DOCK9: variants seen among roughly 807,000 people sequenced by gnomAD.
The protein encoded by DOCK9 is dedicator of cytokinesis protein 9.
Under a neutral mutation model 263.3 loss-of-function variants are expected in DOCK9, and 89 were observed. The ratio of observed to expected loss-of-function variants is 0.34; its 90% confidence interval spans 0.28 to 0.40. The LOEUF is 0.40. Among genes scored for constraint, DOCK9 ranks in the 10% least tolerant of loss-of-function variants. DOCK9 has a pLI of 1.00. For synonymous variants in DOCK9, 976 were observed against 973.1 expected, an observed-to-expected ratio of 1.00 and a Z score of -0.06; for missense variants, 2,140 against 2,603.4, an observed-to-expected ratio of 0.82 and a Z score of 3.87.
chr13:98,905,744 A>C (rs558815415), intron 9 of DOCK9, among the ~76,000 whole-genome samples: 1 of 150,852 alleles, frequency 6.6e-6, no homozygotes, highest in East Asian at 2.0e-4. Context: ...GCCATTCTTT[A>C]TTTCTTTACT....
At chr13:99,032,624 A>G (rs773041864) in intron 1 of DOCK9, among the ~76,000 whole-genome samples, 2 of 151,244 alleles carry the variant, frequency 1.3e-5, no homozygotes, top group Non-Finnish European at 3.0e-5. Context: ...TTTATATGAC[A>G]TAAATTTATT....
intron 1 of DOCK9, among the ~76,000 whole-genome samples, chr13:99,061,383 C>A (rs975163108): frequency 2.0e-5 from 3 of 152,166 alleles, no homozygotes; most frequent in Non-Finnish European, 2.9e-5. Flanking sequence ...GTCACACACA[C>A]AACACTCCCT....
At chr13:98,913,905 C>T (rs899393107) in intron 9 of DOCK9, among the ~76,000 whole-genome samples, 14 of 152,156 alleles carry the variant, frequency 9.2e-5, no homozygotes, top group African/African-American at 3.1e-4. Context: ...ATTTCTGTAA[C>T]TCAGGCAACC....
At chr13:98,911,276 A>G (rs1222768220) in intron 9 of DOCK9, among the ~76,000 whole-genome samples, 2 of 152,168 alleles carry the variant, frequency 1.3e-5, no homozygotes, top group African/African-American at 2.4e-5. Context: ...ACAAGGATTC[A>G]TTTTTCAGGT....
intron 1 of DOCK9, among the ~76,000 whole-genome samples, chr13:99,035,999 T>C (rs978776589): frequency 1.3e-5 from 2 of 152,050 alleles, no homozygotes; most frequent in Non-Finnish European, 2.9e-5. Context: ...ACATCAGCTC[T>C]TCTCTGGGTC....
At chr13:98,930,358 A>G in intron 2 of DOCK9, 101 bp from the exon 3 acceptor site, 1 of 961,914 alleles carries the variant, frequency 1.0e-6, no homozygotes, top group South Asian at 1.4e-5. Flanking sequence ...TGGCAGCCAC[A>G]GAGTCCCTCC....
intron 39 of DOCK9, among the ~76,000 whole-genome samples, chr13:98,832,311 T>A (rs999423309): frequency 6.6e-6 from 1 of 152,218 alleles, no homozygotes; most frequent in Non-Finnish European, 1.5e-5. Flanking sequence ...AGGTACCACT[T>A]ATCATAGGCA....
At chr13:98,879,795 C>T (rs1363761947) in intron 27 of DOCK9, 103 bp downstream of exon 27, 13 of 925,950 alleles carry the variant, frequency 1.4e-5, no homozygotes, top group Non-Finnish European at 2.1e-5. Context: ...TTAGAACAGT[C>T]CTGTAACTGG....
chr13:98,925,789 T>C (rs757947520), intron 4 of DOCK9, 48 bp downstream of exon 4: 12 of 1,348,654 alleles, frequency 8.9e-6, no homozygotes, highest in Non-Finnish European at 1.0e-5. Context: ...CCCCCAAGCA[T>C]TTCAAGTACA....
At chr13:98,967,548 C>T (rs969581557) in intron 1 of DOCK9, among the ~76,000 whole-genome samples, 30 of 152,316 alleles carry the variant, frequency 2.0e-4, no homozygotes, top group African/African-American at 6.0e-4. Context: ...ATGAACAGTA[C>T]GCATGATGGT....
rs1346913364 is a variant in DOCK9 at position 98,900,154 on chromosome 13, C to A, written c.1503+1624G>T. On this transcript the variant is annotated intron_variant, in intron 13 of 52. Transcript: ENST00000682017. ...CATGAATAATGTACACATGGATGAGCTTTACATTCCATAAAAAAATGAAGA... is the reference window on the plus strand; with the variant it reads ...CATGAATAATGTACACATGGATGAGATTTACATTCCATAAAAAAATGAAGA... Among the ~76,000 whole-genome samples the A allele has an allele frequency of 4.3e-5, 4 of 93,714 alleles. No individual in the cohort carries two copies. The East Asian group carries it at 9.6e-4, about 23-fold the overall frequency. The allele number at this position is 93,714 out of a possible 152,430, so 61.5% of individuals were successfully genotyped here.
chr13:99,039,468 T>C (rs1332107653), intron 1 of DOCK9, among the ~76,000 whole-genome samples: 1 of 152,184 alleles, frequency 6.6e-6, no homozygotes, highest in Non-Finnish European at 1.5e-5. Context: ...TGTGGGAAAA[T>C]GTTACAAAGA....
At chr13:98,929,397 G>C (rs929566173) in intron 3 of DOCK9, among the ~76,000 whole-genome samples, 2 of 152,054 alleles carry the variant, frequency 1.3e-5, no homozygotes, top group African/African-American at 4.8e-5. Context: ...ACAAAGGTTA[G>C]CCAGGCGTGG....
At chr13:98,891,295 C>A (rs552358614) in intron 15 of DOCK9, among the ~76,000 whole-genome samples, 1 of 152,114 alleles carries the variant, frequency 6.6e-6, no homozygotes. Context: ...TCTTGACATA[C>A]GGTGCCTTGC....
Position 98,881,909 on chromosome 13 carries a change from G to C in DOCK9, c.2658C>G (p.Val886=), listed in dbSNP as rs773991225. The C allele has an allele frequency of 1.9e-6, 3 of 1,584,834 alleles. No individual in the cohort carries two copies. The Admixed American group carries it at 5.4e-5, about 28-fold the overall frequency. The change falls in exon 24 of 53, where the codon GTC becomes GTG. Residue 886 remains valine (V), a synonymous_variant. Transcript: ENST00000682017. The part of the protein sequence containing the change: ...RVLTRATQEE[V]AVNVTRVIIH... ...TCCCTTACCGAGTCACGTTAACCGC[G>C]ACTTCTTCCTGTGTGGCTCTGGTGA...
At chr13:98,938,566 C>A (rs1441984734) in intron 2 of DOCK9, among the ~76,000 whole-genome samples, 2 of 152,186 alleles carry the variant, frequency 1.3e-5, no homozygotes, top group Non-Finnish European at 2.9e-5. Context: ...ATTACAGTTG[C>A]ATTACCTTAA....
chr13:98,923,721 G>A (rs1368665688), intron 4 of DOCK9, among the ~76,000 whole-genome samples: 14 of 152,236 alleles, frequency 9.2e-5, no homozygotes, highest in South Asian at 4.1e-4. Context: ...GAGTTGTTGC[G>A]TTGAAACCGA....
At chr13:98,974,266 C>G (rs1204140042) in intron 1 of DOCK9, among the ~76,000 whole-genome samples, 2 of 152,080 alleles carry the variant, frequency 1.3e-5, no homozygotes, top group Non-Finnish European at 2.9e-5. Context: ...GTAGTGATTT[C>G]TAGCCCCCAA....
chr13:99,008,491 C>T (rs1205677264), intron 1 of DOCK9, among the ~76,000 whole-genome samples: 1 of 152,112 alleles, frequency 6.6e-6, no homozygotes, highest in African/African-American at 2.4e-5. Context: ...GCCTTGACCT[C>T]CCAAAGTGCT....
Sources: gnomAD v4.1 joint callset for allele counts (sites outside exome capture counted in the v4.1 genomes callset) on GRCh38, gnomAD v4.1.1 for gene constraint, MANE v1.5 for transcripts, NCBI Gene and HGNC (gene_info 2026-07-23, HGNC 2026-07-21) for gene names.